PCDH15: variants seen among roughly 807,000 people sequenced by gnomAD.
PCDH15 encodes the protein protocadherin-15.
In PCDH15, 129 loss-of-function variants were observed where a neutral mutation model predicts 178.5. That is an observed-to-expected ratio of 0.72 (90% CI 0.63 to 0.84). The LOEUF is 0.84. Ranked by LOEUF, PCDH15 falls within the 40% of genes least tolerant of loss-of-function variation. PCDH15 has a pLI of 0.00. For synonymous variants in PCDH15, 800 were observed against 732.0 expected, an observed-to-expected ratio of 1.09 and a Z score of -1.50; for missense variants, 2,230 against 2,099.9, an observed-to-expected ratio of 1.06 and a Z score of -1.21.
chr10:55,486,095 T>C (rs1486274089), intron 2 of PCDH15, among the ~76,000 whole-genome samples: 1 of 151,754 alleles, frequency 6.6e-6, no homozygotes, highest in Non-Finnish European at 1.5e-5. Flanking sequence ...GCTCTAGTTA[T>C]GCCCCATTTA....
chr10:53,906,720 C>T (rs2082705968), intron 25 of PCDH15, among the ~76,000 whole-genome samples: 1 of 151,990 alleles, frequency 6.6e-6, no homozygotes, highest in South Asian at 2.1e-4. Context: ...GCCTTTAAAG[C>T]AGCAGATGTT....
At chr10:55,138,607 A>T (rs1325492428) in intron 2 of PCDH15, among the ~76,000 whole-genome samples, 2 of 152,126 alleles carry the variant, frequency 1.3e-5, no homozygotes, top group African/African-American at 4.8e-5. Flanking sequence ...AGGTCTTCTG[A>T]TGACAATTCA....
chr10:54,121,819 A>G (rs1235234152), intron 15 of PCDH15, among the ~76,000 whole-genome samples: 32 of 152,046 alleles, frequency 2.1e-4, no homozygotes, highest in Admixed American at 2.1e-3. Context: ...AAGAAACCTA[A>G]CAACCAAAAA....
At chr10:55,198,870 C>G (rs1296608085) in intron 1 of PCDH15, among the ~76,000 whole-genome samples, 1 of 152,068 alleles carries the variant, frequency 6.6e-6, no homozygotes, top group Non-Finnish European at 1.5e-5. Context: ...GTGCTTGCTT[C>G]CCCTTTGCCT....
chr10:54,812,430 C>T (rs1952877861), intron 3 of PCDH15, among the ~76,000 whole-genome samples: 1 of 151,886 alleles, frequency 6.6e-6, no homozygotes, highest in South Asian at 2.1e-4. Context: ...GCCACCACAC[C>T]CAACTAATTT....
Position 55,326,871 on chromosome 10 carries a change from C to A in PCDH15, c.-155-160220G>T, listed in dbSNP as rs1844044537. Among the ~76,000 whole-genome samples, 4 of 152,106 alleles carry A rather than the reference C, an allele frequency of 2.6e-5. No homozygotes were observed. In the South Asian group the frequency reaches 8.3e-4, roughly 32 times the overall value. The stretch of plus-strand genomic sequence containing the variant: ...CTCAGATCTAGACAGTGCCAAAAAA[C>A]TCAAGCATGGTACATTTAAAAATAC... On this transcript the variant is annotated intron_variant, in intron 2 of 5. Transcript: ENST00000613346.
intron 2 of PCDH15, among the ~76,000 whole-genome samples, chr10:55,042,696 C>T (rs1336580065): frequency 1.3e-5 from 2 of 152,062 alleles, no homozygotes; most frequent in East Asian, 3.9e-4. Flanking sequence ...AAAGTCATGT[C>T]TATCAGTGAA....
At chr10:54,362,765 A>C in intron 5 of PCDH15, among the ~76,000 whole-genome samples, 1 of 146,668 alleles carries the variant, frequency 6.8e-6, no homozygotes, top group Admixed American at 6.7e-5. Flanking sequence ...AAGTAGGGTA[A>C]AAAAATCTCA....
chr10:53,899,371 G>A (rs1293610709), intron 26 of PCDH15, among the ~76,000 whole-genome samples: 1 of 152,044 alleles, frequency 6.6e-6, no homozygotes, highest in African/African-American at 2.4e-5. Flanking sequence ...CTTCAACAAT[G>A]TTTTTATTGT....
At chr10:54,699,627 G>C (rs1194099480) in intron 1 of PCDH15, among the ~76,000 whole-genome samples, 1 of 151,950 alleles carries the variant, frequency 6.6e-6, no homozygotes, top group Non-Finnish European at 1.5e-5. Flanking sequence ...TAGGATTGAA[G>C]ACTGTTAGCC....
rs560594687 is a variant in PCDH15 at position 54,776,993 on chromosome 10, C to A, written c.-29+23932G>T. ...TTTTCTTTTATTATGGAAAAATATG[C>A]TGTTTATAGTATAATGTGAATCCTC... On this transcript the variant is annotated intron_variant, in intron 1 of 37. Transcript: ENST00000644397. Among the ~76,000 whole-genome samples the A allele has an allele frequency of 3.3e-5, 5 of 152,206 alleles. No individual in the cohort carries two copies. The South Asian group carries it at 8.3e-4, about 25-fold the overall frequency.
chr10:53,817,499 G>GTTTTTTTTTCTTTTTC (rs2076102079), intron 34 of PCDH15, among the ~76,000 whole-genome samples: 3 of 130,958 alleles, frequency 2.3e-5, no homozygotes, highest in African/African-American at 8.2e-5. Flanking sequence ...TATATTCTTT[G>GTTTTTTTTTCTTTTTC]TTTTTTTTTT....
rs748086016 is a variant in PCDH15 at position 53,822,362 on chromosome 10, AAGAGGGATAGAAGGAGG to A, written c.4368-2149_4368-2133del. 148 of 1,578,922 alleles carry A rather than the reference AAGAGGGATAGAAGGAGG, an allele frequency of 9.4e-5. 1 individual carries two copies. The highest frequency in any genetic ancestry group is 5.0e-4 in the Admixed American group (27 of 53,788). ...GAAAAAATGTAGGAGGAGGAAGAGG[AAGAGGGATAGAAGGAGG>A]AGAGGGAGGAGGACAAAAAAGAGAA... On this transcript the variant is annotated intron_variant, in intron 32 of 37. Coordinates refer to ENST00000644397, the MANE Select transcript of PCDH15 (RefSeq NM_001384140.1).
chr10:55,301,656 A>G (rs183152045), intron 1 of PCDH15, among the ~76,000 whole-genome samples: 1 of 152,240 alleles, frequency 6.6e-6, no homozygotes, highest in East Asian at 1.9e-4. Context: ...ATCAAGTCTA[A>G]GAACACTTTG....
intron 2 of PCDH15, among the ~76,000 whole-genome samples, chr10:55,416,823 C>T (rs949204037): frequency 2.0e-5 from 3 of 151,866 alleles, no homozygotes; most frequent in Non-Finnish European, 2.9e-5. Context: ...GTGTCTGTCA[C>T]GTGATGTCAC....
intron 9 of PCDH15, among the ~76,000 whole-genome samples, chr10:54,236,331 A>G (rs958775): frequency 0.75 from 113,692 of 152,018 alleles, 43,736 homozygotes; most frequent in African/African-American, 0.84. Flanking sequence ...AAAAATATTT[A>G]CCAAAGGTTA....
chr10:54,938,852 G>T (rs1017450715), intron 2 of PCDH15, among the ~76,000 whole-genome samples: 2 of 152,066 alleles, frequency 1.3e-5, no homozygotes, highest in Admixed American at 1.3e-4. Context: ...GAAAGATATA[G>T]AAAAACGTAA....
intron 2 of PCDH15, among the ~76,000 whole-genome samples, chr10:55,437,832 CTTT>C (rs778307616): frequency 8.2e-5 from 7 of 85,148 alleles, no homozygotes; most frequent in African/African-American, 3.0e-4. Flanking sequence ...TATTGCTTTT[CTTT>C]TTTTTTTTTT....
intron 3 of PCDH15, among the ~76,000 whole-genome samples, chr10:54,468,584 A>G (rs986000919): frequency 2.0e-5 from 3 of 152,184 alleles, no homozygotes; most frequent in African/African-American, 7.2e-5. Flanking sequence ...ATTCTTGAGA[A>G]AGTTCTATGT....
Sources: allele counts gnomAD v4.1 joint callset (sites outside exome capture counted in the v4.1 genomes callset), GRCh38; gene constraint gnomAD v4.1.1; transcripts MANE v1.5; gene names NCBI Gene and HGNC (gene_info 2026-07-23, HGNC 2026-07-21).